CABCOCO1: variants seen among roughly 807,000 people sequenced by gnomAD.
The protein encoded by CABCOCO1 is ciliary-associated calcium-binding coiled-coil protein 1.
In CABCOCO1, 28 loss-of-function variants were observed where a neutral mutation model predicts 35.7. The observed-to-expected ratio is 0.78, with a 90% CI of 0.58 to 1.07. CABCOCO1 has a LOEUF of 1.07. Among genes scored for constraint, CABCOCO1 ranks in the 50% least tolerant of loss-of-function variants. The pLI, the probability that CABCOCO1 is intolerant of heterozygous loss-of-function variation, is 0.00. For synonymous variants in CABCOCO1, 95 were observed against 100.1 expected (o/e 0.95, Z 0.30); for missense variants, 326 against 309.2 (o/e 1.05, Z -0.41).
intron 5 of CABCOCO1, among the ~76,000 whole-genome samples, chr10:61,730,486 A>C (rs1841277294): frequency 6.6e-6 from 1 of 152,148 alleles, no homozygotes; most frequent in Non-Finnish European, 1.5e-5. Flanking sequence ...CAACTAATAA[A>C]TCCACAAGAA....
intron 5 of CABCOCO1, among the ~76,000 whole-genome samples, chr10:61,748,328 G>C (rs1416341031): frequency 2.0e-5 from 3 of 152,110 alleles, no homozygotes; most frequent in African/African-American, 7.2e-5. Flanking sequence ...TACCTGCCAG[G>C]CAGTGAAGTT....
chr10:61,697,790 A>T (rs888671876), intron 5 of CABCOCO1, among the ~76,000 whole-genome samples: 1 of 152,128 alleles, frequency 6.6e-6, no homozygotes, highest in African/African-American at 2.4e-5. Flanking sequence ...ACATATTGAT[A>T]GACAGAGTGA....
chr10:61,671,585 A>C (rs1344915446), intron 1 of CABCOCO1, among the ~76,000 whole-genome samples: 7 of 152,148 alleles, frequency 4.6e-5, no homozygotes, highest in Admixed American at 4.6e-4. Flanking sequence ...TCAGAAACTC[A>C]GAATCTCCAT....
chr10:61,669,917 T>C (rs1342627705), intron 1 of CABCOCO1, among the ~76,000 whole-genome samples: 1 of 152,174 alleles, frequency 6.6e-6, no homozygotes, highest in Non-Finnish European at 1.5e-5. Flanking sequence ...CACATAAAAA[T>C]GATATTTAAT....
chr10:61,733,377 A>G (rs953253623), intron 5 of CABCOCO1, among the ~76,000 whole-genome samples: 1 of 152,046 alleles, frequency 6.6e-6, no homozygotes, highest in Non-Finnish European at 1.5e-5. Context: ...CAAAGAAAAA[A>G]TATTTACCAT....
chr10:61,694,520 C>T (rs1286012650), intron 5 of CABCOCO1, among the ~76,000 whole-genome samples: 1 of 151,086 alleles, frequency 6.6e-6, no homozygotes, highest in Middle Eastern at 3.2e-3. Flanking sequence ...AAAATGAATC[C>T]AATTTATTAA....
chr10:61,703,268 A>T (rs1220421472), intron 5 of CABCOCO1, among the ~76,000 whole-genome samples: 1 of 144,096 alleles, frequency 6.9e-6, no homozygotes, highest in African/African-American at 2.6e-5. Flanking sequence ...ACACACACAC[A>T]CTCTAAACAG....
At chr10:61,678,426 G>T (rs1839591366) in intron 2 of CABCOCO1, among the ~76,000 whole-genome samples, 1 of 152,012 alleles carries the variant, frequency 6.6e-6, no homozygotes, top group East Asian at 1.9e-4. Flanking sequence ...CCATCATCAG[G>T]ATGTCTATAT....
At chr10:61,753,341 G>C (rs1040126312) in intron 5 of CABCOCO1, among the ~76,000 whole-genome samples, 1 of 152,042 alleles carries the variant, frequency 6.6e-6, no homozygotes, top group African/African-American at 2.4e-5. Context: ...TGAGTGGCTT[G>C]TAAAAAATAT....
Position 61,688,493 on chromosome 10 carries a change from G to T in CABCOCO1, c.480-2056G>T, listed in dbSNP as rs543990850. 1.2e-4 allele frequency among the ~76,000 whole-genome samples: 18 copies of T among 152,190 alleles called. No homozygotes were observed. The South Asian group carries it at 3.7e-3, about 32-fold the overall frequency. On this transcript the variant is annotated intron_variant, in intron 4 of 7. Transcript: ENST00000648843. ...ACTGTAAGTACTGGCAAATCTAGTT[G>T]TACATTTTTACAGTGTATTGTATCA...
chr10:61,730,535 A>G (rs34890851), intron 5 of CABCOCO1, among the ~76,000 whole-genome samples: 2,370 of 152,236 alleles, frequency 0.016, 40 homozygotes, highest in East Asian at 0.046. Flanking sequence ...TAACCATCCC[A>G]ATAATTGATT....
intron 5 of CABCOCO1, among the ~76,000 whole-genome samples, chr10:61,731,911 A>G (rs949210926): frequency 6.6e-6 from 1 of 152,040 alleles, no homozygotes; most frequent in Non-Finnish European, 1.5e-5. Flanking sequence ...ATTTTGAGTG[A>G]TTGATATCAA....
In CABCOCO1 at chr10:61,686,020, T is replaced by C. The variant is rs1175953467; in HGVS notation, c.335-21T>C. 13 of 1,574,672 alleles carry C rather than the reference T, an allele frequency of 8.3e-6. No individual in the cohort carries two copies. In the Middle Eastern group the frequency reaches 2.2e-3, roughly 264 times the overall value. ...ACATCTATCAAAATAATAATTAAGATTTCTCTGGATTTTATTTCAGCACTA... is the reference window on the plus strand; with the variant it reads ...ACATCTATCAAAATAATAATTAAGACTTCTCTGGATTTTATTTCAGCACTA... On this transcript the variant is annotated intron_variant, in intron 3 of 7. Coordinates refer to ENST00000648843, the MANE Select transcript of CABCOCO1 (RefSeq NM_001366906.2).
At chr10:61,668,938 G>GT (rs1369962152) in intron 1 of CABCOCO1, among the ~76,000 whole-genome samples, 1 of 145,272 alleles carries the variant, frequency 6.9e-6, no homozygotes, top group Non-Finnish European at 1.5e-5. Context: ...CTGTATTACT[G>GT]TTTTTTCCTT....
intron 5 of CABCOCO1, 39 bp downstream of exon 5, chr10:61,690,660 C>A: frequency 7.7e-7 from 1 of 1,293,614 alleles, no homozygotes; most frequent in South Asian, 1.2e-5. Context: ...TAAGCAGAAT[C>A]ACTTAATGCA....
intron 5 of CABCOCO1, among the ~76,000 whole-genome samples, chr10:61,698,559 C>T (rs12247870): frequency 0.075 from 11,422 of 152,088 alleles, 465 homozygotes; most frequent in East Asian, 0.096. Context: ...GAAATAATAC[C>T]ACTTAAGGTC....
intron 1 of CABCOCO1, among the ~76,000 whole-genome samples, chr10:61,668,435 T>C (rs1228809586): frequency 2.6e-5 from 4 of 152,024 alleles, no homozygotes; most frequent in Admixed American, 2.6e-4. Flanking sequence ...TAAGTAAAAC[T>C]ACAAGTGTAA....
At position 61,765,182 on chromosome 10, in the gene CABCOCO1, G is replaced by A. The variant is rs182138530; in HGVS notation, c.817-757G>A. On this transcript the variant is annotated intron_variant, in intron 7 of 7. Transcript: ENST00000648843. ...ACAACAAAAACATCAATTTTGCCACGTCAACCACCACTGCTTTTTCTGTAT... is the reference window on the plus strand; with the variant it reads ...ACAACAAAAACATCAATTTTGCCACATCAACCACCACTGCTTTTTCTGTAT... 1.2e-3 allele frequency among the ~76,000 whole-genome samples: 181 copies of A among 152,096 alleles called. 1 individual carries two copies. The highest frequency in any genetic ancestry group is 4.0e-3 in the African/African-American group (164 of 41,510).
rs951497976 is a variant in CABCOCO1 at position 61,690,443 on chromosome 10, G to A, written c.480-106G>A. On this transcript the variant is annotated intron_variant, in intron 4 of 7. Coordinates refer to ENST00000648843, the MANE Select transcript of CABCOCO1 (RefSeq NM_001366906.2). ...GCTAAGTCTGTTTTAGTGTCTGATA[G>A]CATTAGTTTGGTCAATATGAAGTTT... 1.2e-5 allele frequency: 8 copies of A among 665,174 alleles called. No homozygotes were observed. In the Admixed American group the frequency reaches 1.4e-4, roughly 12 times the overall value. 41.2% of individuals were successfully genotyped at this position (665,174 alleles called of 1,614,324 possible). A position where few individuals can be genotyped will look rare whatever the true frequency, so the allele number is the denominator to read the frequency against.
Sources: gnomAD v4.1 joint callset for allele counts (sites outside exome capture counted in the v4.1 genomes callset) on GRCh38, gnomAD v4.1.1 for gene constraint, MANE v1.5 for transcripts, NCBI Gene and HGNC (gene_info 2026-07-23, HGNC 2026-07-21) for gene names.